Variants in PRKD1 observed in about 807,000 individuals in gnomAD.
PRKD1 encodes the protein protein kinase D1, also known as serine/threonine-protein kinase D1.
Under a neutral mutation model 95.9 loss-of-function variants are expected in PRKD1, and 63 were observed. The observed-to-expected ratio is 0.66, with a 90% CI of 0.54 to 0.81. PRKD1 has a LOEUF of 0.81. PRKD1 is among the 30% of genes least tolerant of loss of function. PRKD1 has a pLI of 0.00. For missense variants in PRKD1, 1,048 were observed against 1,165.3 expected (o/e 0.90, Z 1.47); for synonymous variants, 425 against 423.1 (o/e 1.00, Z -0.05).
chr14:29,868,969 A>G (rs1454101731), intron 1 of PRKD1, among the ~76,000 whole-genome samples: 1 of 152,206 alleles, frequency 6.6e-6, no homozygotes, highest in Non-Finnish European at 1.5e-5. Flanking sequence ...GCAAAAAAAG[A>G]ACTCAAAAGT....
intron 4 of PRKD1, among the ~76,000 whole-genome samples, chr14:29,646,782 C>T (rs141914832): frequency 1.3e-5 from 2 of 150,828 alleles, no homozygotes; most frequent in African/African-American, 4.9e-5. Context: ...CAGTCATCTG[C>T]AACAACACTA....
At chr14:29,851,828 C>A (rs752667589) in intron 1 of PRKD1, among the ~76,000 whole-genome samples, 1 of 152,132 alleles carries the variant, frequency 6.6e-6, no homozygotes, top group East Asian at 1.9e-4. Context: ...TTGGAATCAA[C>A]GTAGGCACCC....
rs60442872 is a variant in PRKD1 at position 29,750,247 on chromosome 14, C to T, written c.265-24573G>A. On this transcript the variant is annotated intron_variant, in intron 1 of 17. Transcript: ENST00000331968. ...CAGAGCTCCAAATTATATACAGTAA[C>T]TCCTCATTCAATGTCATTGGTAGGT... 5.9e-3 allele frequency among the ~76,000 whole-genome samples: 892 copies of T among 152,270 alleles called. 12 individuals are homozygous for T. Among genetic ancestry groups the T allele is most frequent in the African/African-American group, 0.02 (825 of 41,550 alleles).
Position 29,576,991 on chromosome 14 carries a change from G to T in PRKD1, c.*247C>A. The stretch of plus-strand genomic sequence containing the variant: ...AGGTTTAATGCATTAAATATAACAT[G>T]AATCATTCACAATAACAAGTTTCGT... On this transcript the variant is annotated 3_prime_UTR_variant, in exon 18 of 18. Transcript: ENST00000331968. 1.9e-6 allele frequency: 1 copy of T among 535,000 alleles called. No individual in the cohort carries two copies. 33.1% of individuals were successfully genotyped at this position (535,000 alleles called of 1,614,324 possible).
intron 1 of PRKD1, among the ~76,000 whole-genome samples, chr14:29,918,409 C>T (rs1258002207): frequency 6.6e-6 from 1 of 152,056 alleles, no homozygotes; most frequent in Non-Finnish European, 1.5e-5. Flanking sequence ...ACCCCAATGA[C>T]ACCAAAAATA....
At chr14:29,779,869 G>A (rs1247247724) in intron 1 of PRKD1, among the ~76,000 whole-genome samples, 5 of 152,234 alleles carry the variant, frequency 3.3e-5, no homozygotes, top group South Asian at 2.1e-4. Context: ...GAGGCATCAT[G>A]CTACCTGACT....
chr14:29,880,185 G>C (rs991891623), intron 1 of PRKD1, among the ~76,000 whole-genome samples: 34 of 152,134 alleles, frequency 2.2e-4, no homozygotes, highest in African/African-American at 8.2e-4. Flanking sequence ...CCCATCACTG[G>C]CCCAGGGGCC....
At chr14:29,798,191 T>C (rs1253876932) in intron 1 of PRKD1, among the ~76,000 whole-genome samples, 1 of 152,180 alleles carries the variant, frequency 6.6e-6, no homozygotes, top group Admixed American at 6.5e-5. Context: ...ATGTCTGAAA[T>C]GAAAATTTGC....
chr14:29,725,090 C>A (rs1393473792), intron 2 of PRKD1, among the ~76,000 whole-genome samples: 3 of 152,182 alleles, frequency 2.0e-5, no homozygotes, highest in African/African-American at 7.2e-5. Flanking sequence ...TTGGTCTTGG[C>A]TTACCTCATA....
chr14:29,686,465 T>C (rs1211973573), intron 2 of PRKD1, among the ~76,000 whole-genome samples: 1 of 152,204 alleles, frequency 6.6e-6, no homozygotes, highest in Non-Finnish European at 1.5e-5. Flanking sequence ...GTGCTCCAGG[T>C]ACCCAGTTCT....
chr14:29,773,504 T>C (rs1046165667), intron 1 of PRKD1, among the ~76,000 whole-genome samples: 2 of 151,478 alleles, frequency 1.3e-5, no homozygotes, highest in African/African-American at 4.9e-5. Context: ...AAAACCATTA[T>C]ATTATGTAGG....
chr14:29,613,564 G>T (rs563684259), intron 13 of PRKD1, among the ~76,000 whole-genome samples: 1 of 152,192 alleles, frequency 6.6e-6, no homozygotes, highest in Admixed American at 6.5e-5. Flanking sequence ...GCCTTCCAGG[G>T]GCCAGGCATT....
chr14:29,616,156 G>T (rs1878838126), intron 13 of PRKD1, among the ~76,000 whole-genome samples: 1 of 125,142 alleles, frequency 8.0e-6, no homozygotes, highest in Admixed American at 1.1e-4. Context: ...AGCAAGGAAG[G>T]AAAAATTGGA....
intron 1 of PRKD1, among the ~76,000 whole-genome samples, chr14:29,728,340 G>A (rs1004186609): frequency 6.6e-6 from 1 of 152,086 alleles, no homozygotes; most frequent in East Asian, 1.9e-4. Context: ...AAATCTATGA[G>A]TCTTGACAAA....
chr14:29,705,658 G>A (rs1467151697), intron 2 of PRKD1, among the ~76,000 whole-genome samples: 4 of 151,824 alleles, frequency 2.6e-5, no homozygotes, highest in Non-Finnish European at 5.9e-5. Flanking sequence ...CAAGCCTATG[G>A]CAACCACTAA....
intron 1 of PRKD1, among the ~76,000 whole-genome samples, chr14:29,900,716 C>T (rs1218508873): frequency 1.3e-5 from 2 of 152,036 alleles, no homozygotes; most frequent in African/African-American, 4.8e-5. Flanking sequence ...CAAGCAACAA[C>T]AAACATAAGA....
chr14:29,895,999 G>A (rs936480395), intron 1 of PRKD1, among the ~76,000 whole-genome samples: 1 of 152,130 alleles, frequency 6.6e-6, no homozygotes, highest in Non-Finnish European at 1.5e-5. Flanking sequence ...CTAGAATGTA[G>A]CTTCAAGAGA....
intron 16 of PRKD1, among the ~76,000 whole-genome samples, chr14:29,578,759 T>C (rs2138944097): frequency 6.6e-6 from 1 of 152,226 alleles, no homozygotes; most frequent in Non-Finnish European, 1.5e-5. Flanking sequence ...AATTTTGTTA[T>C]AAAACATGCT....
intron 1 of PRKD1, among the ~76,000 whole-genome samples, chr14:29,754,639 C>T (rs994792085): frequency 3.3e-5 from 5 of 151,924 alleles, no homozygotes; most frequent in African/African-American, 1.2e-4. Context: ...TTCCTGTTTA[C>T]ATCAGTTTAT....
Sources: allele counts gnomAD v4.1 joint callset (sites outside exome capture counted in the v4.1 genomes callset), GRCh38; gene constraint gnomAD v4.1.1; transcripts MANE v1.5; gene names NCBI Gene and HGNC (gene_info 2026-07-23, HGNC 2026-07-21).